ALPK1: variants seen among roughly 807,000 people sequenced by gnomAD.
ALPK1 encodes alpha kinase 1, also known as alpha-protein kinase 1.
ALPK1 carries 110 observed loss-of-function variants against 120.6 expected under a neutral mutation model. That is an observed-to-expected ratio of 0.91 (90% confidence interval 0.78 to 1.07). The LOEUF (loss-of-function observed/expected upper bound fraction) is 1.07. Among genes scored for constraint, ALPK1 ranks in the 50% least tolerant of loss-of-function variants. The pLI, the probability that ALPK1 is intolerant of heterozygous loss-of-function variation, is 0.00. For synonymous variants in ALPK1, 582 were observed against 560.3 expected (o/e 1.04, Z -0.55); for missense variants, 1,498 against 1,483.9 (o/e 1.01, Z -0.16).
intron 2 of ALPK1, among the ~76,000 whole-genome samples, chr4:112,340,778 T>C (rs1251562330): frequency 6.6e-6 from 1 of 152,258 alleles, no homozygotes; most frequent in Non-Finnish European, 1.5e-5. Context: ...AGGAAGTCGG[T>C]ATGAGATTTG....
Position 112,432,482 on chromosome 4 carries a change from G to T in ALPK1, c.2935G>T (p.Asp979Tyr). ...TGAGGCTCGCACCTTGCAACCTGATGACTTTGAAAAGCTGTTGGCAGGAGT... is the reference window on the plus strand; with the variant it reads ...TGAGGCTCGCACCTTGCAACCTGATTACTTTGAAAAGCTGTTGGCAGGAGT... ...ILEARTLQPD[D>Y]FEKLLAGVRH... Residue 979 changes from aspartate (D) to tyrosine (Y), a missense_variant, in exon 11 of 16, where the codon GAC (aspartate) becomes TAC (tyrosine). Asp to Tyr is a radical substitution (Grantham distance 160). Transcript: ENST00000650871. 1 of 1,614,180 alleles carries T rather than the reference G, an allele frequency of 6.2e-7. No homozygotes were observed. The highest frequency in any genetic ancestry group is 8.5e-7 in the Non-Finnish European group (1 of 1,180,026).
At chr4:112,341,603 A>G (rs1729866128) in intron 2 of ALPK1, among the ~76,000 whole-genome samples, 1 of 152,054 alleles carries the variant, frequency 6.6e-6, no homozygotes, top group Non-Finnish European at 1.5e-5. Flanking sequence ...CTTCTCCTCA[A>G]TTATTCTCCT....
chr4:112,385,430 T>C (rs930056304), intron 4 of ALPK1, among the ~76,000 whole-genome samples: 3 of 152,200 alleles, frequency 2.0e-5, no homozygotes, highest in Non-Finnish European at 4.4e-5. Flanking sequence ...GCGCTGTCTA[T>C]TAGGCCTTCT....
chr4:112,313,031 G>A (rs928201070), intron 1 of ALPK1, among the ~76,000 whole-genome samples: 4 of 152,166 alleles, frequency 2.6e-5, no homozygotes, highest in Admixed American at 2.6e-4. Flanking sequence ...TGCTGACAAG[G>A]TTCAGTCATT....
chr4:112,319,905 C>T (rs1255344340), intron 2 of ALPK1, among the ~76,000 whole-genome samples: 1 of 152,144 alleles, frequency 6.6e-6, no homozygotes, highest in African/African-American at 2.4e-5. Flanking sequence ...TATCCTGAAA[C>T]TTTACTTAAT....
chr4:112,347,875 C>T (rs192150332), intron 2 of ALPK1, among the ~76,000 whole-genome samples: 1 of 152,230 alleles, frequency 6.6e-6, no homozygotes, highest in East Asian at 1.9e-4. Context: ...TTGCCTATTT[C>T]GATTTACTTA....
At chr4:112,336,813 G>A (rs903711621) in intron 2 of ALPK1, among the ~76,000 whole-genome samples, 2 of 152,054 alleles carry the variant, frequency 1.3e-5, no homozygotes, top group African/African-American at 4.8e-5. Context: ...AAATATCCTA[G>A]AAATTACACA....
At chr4:112,407,129 T>C (rs569329086) in intron 4 of ALPK1, among the ~76,000 whole-genome samples, 2 of 152,252 alleles carry the variant, frequency 1.3e-5, no homozygotes, top group East Asian at 3.9e-4. Context: ...TACAGTAGAA[T>C]GGTGGTTGCC....
In ALPK1 at chr4:112,377,967, C is replaced by T. The variant is rs1052179298; in HGVS notation, c.121+69C>T. The T allele has an allele frequency of 6.0e-6, 9 of 1,490,718 alleles. No homozygotes were observed. In the Admixed American group the frequency reaches 1.8e-4, roughly 31 times the overall value. 92.3% of individuals were successfully genotyped at this position (1,490,718 alleles called of 1,614,324 possible). A position where few individuals can be genotyped will look rare whatever the true frequency, so the allele number is the denominator to read the frequency against. On this transcript the variant is annotated intron_variant, in intron 3 of 15. Transcript: ENST00000650871. ...ACTCTCCTGTCCCCTGCCTGAACGA[C>T]ACGTTCTTATCTCTGCCCTATTTTT...
intron 4 of ALPK1, among the ~76,000 whole-genome samples, chr4:112,391,022 T>C (rs1270754029): frequency 1.3e-5 from 2 of 152,222 alleles, no homozygotes; most frequent in African/African-American, 2.4e-5. Context: ...AGGTATGTCA[T>C]GATTCATGGA....
At chr4:112,371,305 G>C (rs1731393124) in intron 2 of ALPK1, among the ~76,000 whole-genome samples, 1 of 152,102 alleles carries the variant, frequency 6.6e-6, no homozygotes, top group African/African-American at 2.4e-5. Context: ...ATCTGACCCT[G>C]GTCCTCCTGC....
At chr4:112,330,684 AG>A (rs1396424303) in intron 2 of ALPK1, among the ~76,000 whole-genome samples, 1 of 152,206 alleles carries the variant, frequency 6.6e-6, no homozygotes, top group African/African-American at 2.4e-5. Flanking sequence ...TCTCTATACC[AG>A]TACCCATGCC....
At chr4:112,328,740 T>C (rs546137029) in intron 2 of ALPK1, among the ~76,000 whole-genome samples, 3 of 152,326 alleles carry the variant, frequency 2.0e-5, no homozygotes, top group East Asian at 1.9e-4. Context: ...CGGGTCACAA[T>C]TGCATATATG....
At chr4:112,342,891 C>A (rs1729919854) in intron 2 of ALPK1, 2 of 152,244 alleles carry the variant, frequency 1.3e-5, no homozygotes, top group Non-Finnish European at 2.9e-5. Context: ...TCCAAAGCCT[C>A]TGCTCTTATT....
At chr4:112,320,092 T>G (rs558795344) in intron 2 of ALPK1, among the ~76,000 whole-genome samples, 1 of 152,204 alleles carries the variant, frequency 6.6e-6, no homozygotes, top group African/African-American at 2.4e-5. Flanking sequence ...TGAATAGAAG[T>G]TGTGAAAGTG....
In ALPK1 at chr4:112,367,777, A is replaced by G. The variant is rs145309475; in HGVS notation, c.-100-9901A>G. On this transcript the variant is annotated intron_variant, in intron 2 of 15. Coordinates refer to ENST00000650871, the MANE Select transcript of ALPK1 (RefSeq NM_025144.4). ...AGACATATGTTAGACCTTTTCTACA[A>G]ATTATTTCCTGTTTTTTAGCCTGTC... Among the ~76,000 whole-genome samples the G allele has an allele frequency of 1.4e-3, 212 of 152,192 alleles. 1 individual carries two copies. The highest frequency in any genetic ancestry group is 5.0e-3 in the African/African-American group (209 of 41,526).
At chr4:112,373,130 T>A (rs1731491484) in intron 2 of ALPK1, among the ~76,000 whole-genome samples, 1 of 152,252 alleles carries the variant, frequency 6.6e-6, no homozygotes, top group African/African-American at 2.4e-5. Flanking sequence ...AACCACCAAA[T>A]GTATATTTTA....
At chr4:112,374,459 C>G (rs1731561966) in intron 2 of ALPK1, among the ~76,000 whole-genome samples, 1 of 152,214 alleles carries the variant, frequency 6.6e-6, no homozygotes, top group South Asian at 2.1e-4. Flanking sequence ...CACTCGGTTT[C>G]TCCTCAGTTC....
In ALPK1 at chr4:112,431,356, C is replaced by A. The variant is rs114800164; in HGVS notation, c.1809C>A (p.Asp603Glu). The A allele has an allele frequency of 1.2e-6, 2 of 1,614,058 alleles. No individual in the cohort carries two copies. Among genetic ancestry groups the A allele is most frequent in the Admixed American group, 3.3e-5 (2 of 60,008 alleles). ...GGGAGGAAGTGAATTATCACGTTGA[C>A]GACAGGTCAGCCAGAAAAGAGCCTG... The part of the protein sequence containing the change: ...ASWEEVNYHV[D>E]DRSARKEPGK... Residue 603 changes from aspartate to glutamate, a missense_variant, in exon 11 of 16, where the codon GAC becomes GAA. Asp to Glu is a conservative substitution (Grantham distance 45, BLOSUM62 2). Coordinates refer to ENST00000650871, the MANE Select transcript of ALPK1 (RefSeq NM_025144.4).
Sources: allele counts gnomAD v4.1 joint callset (sites outside exome capture counted in the v4.1 genomes callset), GRCh38; gene constraint gnomAD v4.1.1; transcripts MANE v1.5; gene names NCBI Gene and HGNC (gene_info 2026-07-23, HGNC 2026-07-21).